The following CDH12 variants were observed in gnomAD, a reference collection of about 807,000 sequenced individuals.
CDH12 encodes the protein cadherin-12.
A neutral mutation model predicts 74.1 loss-of-function variants in CDH12; 41 were observed. The ratio of observed to expected loss-of-function variants is 0.55; its 90% CI spans 0.43 to 0.72. CDH12 has a LOEUF of 0.72. CDH12 is among the 30% of genes least tolerant of loss of function. The probability of loss-of-function intolerance (pLI) is 0.00; values close to 1 mark genes in which losing one functional copy is unlikely to be tolerated. For missense variants in CDH12, 945 were observed against 977.2 expected, an observed-to-expected ratio of 0.97 and a Z score of 0.44; for synonymous variants, 399 against 355.0, an observed-to-expected ratio of 1.12 and a Z score of -1.39.
intron 1 of CDH12, among the ~76,000 whole-genome samples, chr5:22,516,504 A>C (rs1199681843): frequency 6.6e-6 from 1 of 152,170 alleles, no homozygotes. Context: ...ATATAATGTT[A>C]ATAAAAGTGG....
intron 6 of CDH12, among the ~76,000 whole-genome samples, chr5:21,872,270 T>C (rs1751663168): frequency 6.6e-6 from 1 of 152,202 alleles, no homozygotes; most frequent in Admixed American, 6.5e-5. Flanking sequence ...AAAACCTTCC[T>C]CTTAGATCTG....
chr5:21,839,282 C>T (rs1409049262), intron 8 of CDH12, among the ~76,000 whole-genome samples: 2 of 152,148 alleles, frequency 1.3e-5, no homozygotes, highest in South Asian at 2.1e-4. Context: ...AAAAGTATTG[C>T]TTTAAGACTC....
At chr5:22,177,070 G>C (rs540214244) in intron 4 of CDH12, among the ~76,000 whole-genome samples, 1 of 152,046 alleles carries the variant, frequency 6.6e-6, no homozygotes, top group African/African-American at 2.4e-5. Context: ...GACATAATAC[G>C]TATTTGTTTC....
At chr5:22,083,654 A>C (rs887281509) in intron 4 of CDH12, among the ~76,000 whole-genome samples, 1 of 152,202 alleles carries the variant, frequency 6.6e-6, no homozygotes, top group Non-Finnish European at 1.5e-5. Flanking sequence ...CCCATTTGAC[A>C]GAAGAAATGG....
intron 2 of CDH12, among the ~76,000 whole-genome samples, chr5:22,470,824 CT>C (rs1194039867): frequency 1.3e-5 from 2 of 148,766 alleles, no homozygotes; most frequent in Non-Finnish European, 3.0e-5. Context: ...CTTCTGAGCC[CT>C]TTTTTTTCCA....
rs534655416 is a variant in CDH12, at chr5:21,970,265, T to C, written c.526+4826A>G. Among the ~76,000 whole-genome samples, 36 of 152,334 alleles carry C rather than the reference T, an allele frequency of 2.4e-4. 1 individual carries two copies. In the South Asian group the frequency reaches 5.6e-3, roughly 24 times the overall value. ...AGTCAACATTCTGTCTTCAAGCTTCTGAAAAAACTCTGCTTTTAGGGCATA... is the reference window on the plus strand; with the variant it reads ...AGTCAACATTCTGTCTTCAAGCTTCCGAAAAAACTCTGCTTTTAGGGCATA... On this transcript the variant is annotated intron_variant, in intron 6 of 14. Transcript: ENST00000382254.
At chr5:21,841,124 T>C (rs896750715) in intron 8 of CDH12, among the ~76,000 whole-genome samples, 2 of 152,078 alleles carry the variant, frequency 1.3e-5, no homozygotes, top group Non-Finnish European at 2.9e-5. Context: ...AAAGGGCTAA[T>C]ATCCAGAATC....
chr5:22,251,319 G>C (rs927825619), intron 3 of CDH12, among the ~76,000 whole-genome samples: 2 of 152,130 alleles, frequency 1.3e-5, no homozygotes, highest in African/African-American at 4.8e-5. Flanking sequence ...GCCATACACA[G>C]GTTCAGATAA....
At chr5:22,781,653 A>G (rs1295800057) in intron 1 of CDH12, among the ~76,000 whole-genome samples, 1 of 152,112 alleles carries the variant, frequency 6.6e-6, no homozygotes. Flanking sequence ...GCCCCCTAAT[A>G]GGTTCTGTAC....
chr5:22,844,918 G>T (rs575163129), intron 1 of CDH12, among the ~76,000 whole-genome samples: 2 of 152,228 alleles, frequency 1.3e-5, no homozygotes, highest in African/African-American at 4.8e-5. Flanking sequence ...AGTGCATAGA[G>T]TTGAGTCCAG....
chr5:22,381,800 C>T (rs1741768938), intron 3 of CDH12, among the ~76,000 whole-genome samples: 1 of 150,936 alleles, frequency 6.6e-6, no homozygotes, highest in South Asian at 2.1e-4. Flanking sequence ...GTTTTCTCTA[C>T]TAACAGACAC....
chr5:22,835,115 T>C (rs1337589465), intron 1 of CDH12, among the ~76,000 whole-genome samples: 2 of 152,160 alleles, frequency 1.3e-5, no homozygotes, highest in Non-Finnish European at 2.9e-5. Flanking sequence ...TGCAAGAATT[T>C]GTCAGCCTTT....
chr5:22,444,720 A>G (rs1181172228), intron 2 of CDH12, among the ~76,000 whole-genome samples: 3 of 152,198 alleles, frequency 2.0e-5, no homozygotes, highest in East Asian at 3.9e-4. Context: ...TTTTAAACAG[A>G]AACACATTAC....
At chr5:22,058,564 T>G (rs1248011465) in intron 5 of CDH12, among the ~76,000 whole-genome samples, 8 of 150,812 alleles carry the variant, frequency 5.3e-5, no homozygotes, top group East Asian at 1.9e-4. Flanking sequence ...TTACCGCGGG[T>G]TTTTTTTTAA....
intron 5 of CDH12, among the ~76,000 whole-genome samples, chr5:22,076,348 G>A (rs1305549456): frequency 2.0e-5 from 3 of 152,040 alleles, no homozygotes; most frequent in African/African-American, 7.2e-5. Context: ...GACTGTTCGG[G>A]GAGATGAAAT....
intron 10 of CDH12, among the ~76,000 whole-genome samples, chr5:21,787,715 T>C (rs1392957182): frequency 6.6e-6 from 1 of 152,170 alleles, no homozygotes; most frequent in Admixed American, 6.6e-5. Flanking sequence ...CTTCTGTTTA[T>C]TGGAGGAATG....
chr5:21,812,606 A>T (rs925799787), intron 9 of CDH12, among the ~76,000 whole-genome samples: 1 of 152,126 alleles, frequency 6.6e-6, no homozygotes, highest in African/African-American at 2.4e-5. Context: ...TTGATTTTGA[A>T]TTTTTATGGG....
At chr5:22,384,361 A>G (rs893658409) in intron 3 of CDH12, among the ~76,000 whole-genome samples, 1 of 150,704 alleles carries the variant, frequency 6.6e-6, no homozygotes, top group Admixed American at 6.6e-5. Context: ...CGTCTCTACT[A>G]AAAATACAAA....
At chr5:22,357,080 C>A (rs1374688948) in intron 3 of CDH12, among the ~76,000 whole-genome samples, 1 of 151,982 alleles carries the variant, frequency 6.6e-6, no homozygotes, top group Non-Finnish European at 1.5e-5. Context: ...GATATAGAGA[C>A]AGCCAGATAG....
Sources: allele counts gnomAD v4.1 joint callset (sites outside exome capture counted in the v4.1 genomes callset), GRCh38; gene constraint gnomAD v4.1.1; transcripts MANE v1.5; gene names NCBI Gene and HGNC (gene_info 2026-07-23, HGNC 2026-07-21).